NKAIN2: variants seen among roughly 807,000 people sequenced by gnomAD.
The protein encoded by NKAIN2 is sodium/potassium-transporting ATPase subunit beta-1-interacting protein 2.
A neutral mutation model predicts 32.6 loss-of-function variants in NKAIN2; 14 were observed. The ratio of observed to expected loss-of-function variants is 0.43; its 90% CI spans 0.28 to 0.67. The LOEUF is 0.67. Ranked by LOEUF, NKAIN2 falls within the 30% of genes least tolerant of loss-of-function variation. The probability of loss-of-function intolerance (pLI) is 0.17; values close to 1 mark genes in which losing one functional copy is unlikely to be tolerated. For missense variants in NKAIN2, 198 were observed against 258.3 expected, an observed-to-expected ratio of 0.77 and a Z score of 1.60; for synonymous variants, 80 against 87.2, an observed-to-expected ratio of 0.92 and a Z score of 0.46.
intron 1 of NKAIN2, among the ~76,000 whole-genome samples, chr6:124,056,810 G>A (rs968404942): frequency 6.6e-6 from 1 of 151,894 alleles, no homozygotes; most frequent in African/African-American, 2.4e-5. Flanking sequence ...AGGAATAATT[G>A]CTACTCTTCA....
chr6:124,546,830 T>A (rs1179343482), intron 3 of NKAIN2, among the ~76,000 whole-genome samples: 1 of 151,996 alleles, frequency 6.6e-6, no homozygotes, highest in Non-Finnish European at 1.5e-5. Context: ...GAAGTGATAG[T>A]GAATAGGAGA....
intron 1 of NKAIN2, among the ~76,000 whole-genome samples, chr6:123,915,603 G>A (rs1225537347): frequency 6.6e-6 from 1 of 152,094 alleles, no homozygotes; most frequent in Non-Finnish European, 1.5e-5. Context: ...AATTTACATC[G>A]TATGGAGCAC....
intron 2 of NKAIN2, among the ~76,000 whole-genome samples, chr6:124,301,741 G>A (rs1379244891): frequency 6.6e-6 from 1 of 152,186 alleles, no homozygotes; most frequent in Non-Finnish European, 1.5e-5. Flanking sequence ...GGGGCCTGTA[G>A]CCCCTTCATT....
At chr6:124,244,297 G>C (rs1266805677) in intron 1 of NKAIN2, among the ~76,000 whole-genome samples, 3 of 133,070 alleles carry the variant, frequency 2.3e-5, no homozygotes, top group African/African-American at 5.8e-5. Context: ...GTGTCCATGT[G>C]ATCTCATTTT....
chr6:124,257,777 T>C (rs1794017775), intron 1 of NKAIN2, among the ~76,000 whole-genome samples: 1 of 127,828 alleles, frequency 7.8e-6, no homozygotes, highest in Admixed American at 8.0e-5. Flanking sequence ...ATTTTTTTCT[T>C]TTCTTTTTTT....
intron 2 of NKAIN2, among the ~76,000 whole-genome samples, chr6:124,325,410 T>G (rs1797370695): frequency 6.6e-6 from 1 of 152,124 alleles, no homozygotes. Context: ...CCAAGAGATG[T>G]TGAAAAAACA....
chr6:123,871,535 T>A (rs2114284507), intron 1 of NKAIN2, among the ~76,000 whole-genome samples: 1 of 152,300 alleles, frequency 6.6e-6, no homozygotes, highest in South Asian at 2.1e-4. Flanking sequence ...ATATCCCATA[T>A]ATTTCTTATT....
At chr6:124,116,431 A>G (rs1369699480) in intron 1 of NKAIN2, among the ~76,000 whole-genome samples, 1 of 152,104 alleles carries the variant, frequency 6.6e-6, no homozygotes, top group African/African-American at 2.4e-5. Context: ...TGTTTGTGTA[A>G]TGTTGATTAA....
At chr6:124,815,071 A>C (rs1781082105) in intron 5 of NKAIN2, among the ~76,000 whole-genome samples, 2 of 151,706 alleles carry the variant, frequency 1.3e-5, no homozygotes, top group Non-Finnish European at 2.9e-5. Context: ...CATCCTACTA[A>C]GAGGGAAGCT....
intron 3 of NKAIN2, among the ~76,000 whole-genome samples, chr6:124,475,461 T>C (rs1005315862): frequency 1.2e-4 from 18 of 152,198 alleles, no homozygotes; most frequent in Non-Finnish European, 2.2e-4. Context: ...AAAAGACCTG[T>C]GGATTTTCTT....
Position 124,702,245 on chromosome 6 carries a change from AATAG to A in NKAIN2, c.474+43862_474+43865del, listed in dbSNP as rs573193791. ...TGATATTCATTTTTTTGTGTGGATA[AATAG>A]ATCATATTTTGAATTTCATGAAAAT... On this transcript the variant is annotated intron_variant, in intron 4 of 6. Transcript: ENST00000368417. 7.9e-5 allele frequency among the ~76,000 whole-genome samples: 12 copies of A among 152,248 alleles called. No homozygotes were observed. In the East Asian group the frequency reaches 2.1e-3, roughly 27 times the overall value.
chr6:124,205,133 A>G (rs1790798544), intron 1 of NKAIN2, among the ~76,000 whole-genome samples: 1 of 151,778 alleles, frequency 6.6e-6, no homozygotes, highest in South Asian at 2.1e-4. Context: ...TCATTTGAAT[A>G]TTTCCCAAAT....
intron 5 of NKAIN2, among the ~76,000 whole-genome samples, chr6:124,804,953 C>A (rs1780460057): frequency 6.6e-6 from 1 of 152,240 alleles, no homozygotes; most frequent in African/African-American, 2.4e-5. Context: ...GGGCGCCCGC[C>A]ATTGCCCAGG....
At chr6:124,281,731 G>A (rs1329225211) in intron 1 of NKAIN2, among the ~76,000 whole-genome samples, 1 of 152,156 alleles carries the variant, frequency 6.6e-6, no homozygotes, top group African/African-American at 2.4e-5. Context: ...TGCCTGATGG[G>A]AAAACGTGCT....
At chr6:123,810,285 T>A (rs1223333468) in intron 1 of NKAIN2, among the ~76,000 whole-genome samples, 1 of 152,156 alleles carries the variant, frequency 6.6e-6, no homozygotes, top group East Asian at 1.9e-4. Context: ...ATCCCTTCCA[T>A]GTAAAATAAA....
intron 1 of NKAIN2, among the ~76,000 whole-genome samples, chr6:123,839,552 G>A (rs1440181932): frequency 6.6e-6 from 1 of 151,834 alleles, no homozygotes; most frequent in Non-Finnish European, 1.5e-5. Flanking sequence ...AGAGTTTGTA[G>A]TTCCCTTTAA....
chr6:124,404,846 A>G (rs1241846855), intron 3 of NKAIN2, among the ~76,000 whole-genome samples: 1 of 152,146 alleles, frequency 6.6e-6, no homozygotes, highest in Non-Finnish European at 1.5e-5. Context: ...GATTCTTTTT[A>G]TTCATTTCAT....
At chr6:124,244,772 CTAAA>C (rs559932838) in intron 1 of NKAIN2, among the ~76,000 whole-genome samples, 1 of 151,712 alleles carries the variant, frequency 6.6e-6, no homozygotes, top group South Asian at 2.1e-4. Context: ...ATACTTAACT[CTAAA>C]TAAATAAATA....
chr6:124,390,171 A>G (rs1026515453), intron 3 of NKAIN2, among the ~76,000 whole-genome samples: 5 of 152,100 alleles, frequency 3.3e-5, no homozygotes, highest in African/African-American at 9.7e-5. Flanking sequence ...TCCTATCAAC[A>G]ACTCAAAGGC....
Sources: gnomAD v4.1 joint callset for allele counts (sites outside exome capture counted in the v4.1 genomes callset) on GRCh38, gnomAD v4.1.1 for gene constraint, MANE v1.5 for transcripts, NCBI Gene and HGNC (gene_info 2026-07-23, HGNC 2026-07-21) for gene names.